The following NEGR1 variants were observed in gnomAD, a reference collection of about 807,000 sequenced individuals.
NEGR1 encodes the protein neuronal growth regulator 1.
NEGR1 carries 10 observed loss-of-function variants against 40.9 expected under a neutral mutation model. The observed-to-expected ratio is 0.24, with a 90% CI of 0.15 to 0.42. The LOEUF (loss-of-function observed/expected upper bound fraction) is 0.42, where lower values mean the gene tolerates loss of function less well. Ranked by LOEUF, NEGR1 falls within the 10% of genes least tolerant of loss-of-function variation. The probability of loss-of-function intolerance (pLI) is 1.00; values close to 1 mark genes in which losing one functional copy is unlikely to be tolerated. For missense variants in NEGR1, 352 were observed against 438.9 expected, an observed-to-expected ratio of 0.80 and a Z score of 1.77; for synonymous variants, 185 against 166.8, an observed-to-expected ratio of 1.11 and a Z score of -0.84.
intron 2 of NEGR1, among the ~76,000 whole-genome samples, chr1:71,878,117 G>A (rs944865119): frequency 4.6e-5 from 7 of 152,098 alleles, no homozygotes; most frequent in African/African-American, 1.7e-4. Context: ...TGAGTGGAGG[G>A]AAAATCTTTG....
chr1:71,872,992 C>A (rs1429097520), intron 2 of NEGR1, among the ~76,000 whole-genome samples: 1 of 151,764 alleles, frequency 6.6e-6, no homozygotes, highest in Non-Finnish European at 1.5e-5. Context: ...ATGTTTCACA[C>A]TCAAAAACAA....
chr1:71,699,698 G>A (rs1343260173), intron 3 of NEGR1, among the ~76,000 whole-genome samples: 1 of 151,744 alleles, frequency 6.6e-6, no homozygotes, highest in African/African-American at 2.4e-5. Flanking sequence ...AGATTTGGAG[G>A]GGTCAGGGGC....
intron 1 of NEGR1, among the ~76,000 whole-genome samples, chr1:72,098,136 G>A (rs1159902310): frequency 2.0e-5 from 3 of 152,060 alleles, no homozygotes; most frequent in African/African-American, 4.8e-5. Flanking sequence ...CTTTTAACAG[G>A]AAAAAGAACA....
At chr1:71,965,341 T>G (rs1275527932) in intron 1 of NEGR1, among the ~76,000 whole-genome samples, 1 of 152,198 alleles carries the variant, frequency 6.6e-6, no homozygotes, top group Non-Finnish European at 1.5e-5. Flanking sequence ...TACTAATAAC[T>G]TTAGCGAAGT....
At chr1:72,010,526 G>A (rs1471221642) in intron 1 of NEGR1, among the ~76,000 whole-genome samples, 1 of 151,924 alleles carries the variant, frequency 6.6e-6, no homozygotes, top group Non-Finnish European at 1.5e-5. Context: ...TGCCTTATGT[G>A]CAGTATACAA....
chr1:71,766,845 T>TCTCCACTCA (rs1656150646), intron 3 of NEGR1, among the ~76,000 whole-genome samples: 11 of 152,118 alleles, frequency 7.2e-5, no homozygotes, highest in Non-Finnish European at 1.5e-4. Flanking sequence ...TCATGACATC[T>TCTCCACTCA]TGTTGTTTAA....
intron 4 of NEGR1, among the ~76,000 whole-genome samples, chr1:71,671,300 G>A (rs1051934026): frequency 1.3e-5 from 2 of 152,094 alleles, no homozygotes; most frequent in East Asian, 1.9e-4. Flanking sequence ...CACTGGAGAA[G>A]ACCAAAGAGG....
At chr1:72,159,718 T>C (rs1464419070) in intron 1 of NEGR1, among the ~76,000 whole-genome samples, 1 of 152,166 alleles carries the variant, frequency 6.6e-6, no homozygotes. Context: ...GCTGCTGCGA[T>C]TATTTTCTAA....
At chr1:72,218,358 T>C (rs1376615500) in intron 1 of NEGR1, among the ~76,000 whole-genome samples, 1 of 151,930 alleles carries the variant, frequency 6.6e-6, no homozygotes, top group Admixed American at 6.6e-5. Context: ...CTACTTTTTA[T>C]TGAAGTCAAG....
chr1:71,589,300 A>G (rs1390963886), intron 6 of NEGR1, among the ~76,000 whole-genome samples: 1 of 152,140 alleles, frequency 6.6e-6, no homozygotes, highest in Non-Finnish European at 1.5e-5. Flanking sequence ...TTGCTTCTGC[A>G]GGATGCTTCT....
intron 2 of NEGR1, among the ~76,000 whole-genome samples, chr1:71,815,224 G>T (rs935019848): frequency 5.9e-5 from 9 of 152,062 alleles, no homozygotes; most frequent in Admixed American, 2.0e-4. Context: ...TTTTGAGTAA[G>T]TTTCTTAATC....
At chr1:71,499,506 A>G (rs1394602004) in intron 6 of NEGR1, among the ~76,000 whole-genome samples, 1 of 148,170 alleles carries the variant, frequency 6.7e-6, no homozygotes. Flanking sequence ...TGTATATGTT[A>G]TATATATTAT....
rs373700339 is a variant in NEGR1 at position 71,688,309 on chromosome 1, C to CATATATATATATATATAT, written c.667+9681_667+9698dup. On this transcript the variant is annotated intron_variant, in intron 4 of 6. Transcript: ENST00000357731. ...GGTGAACTGGAGGAGTTTCCCTTTTCATATATATATATATATATAGATAGA... is the reference window on the plus strand; with the variant it reads ...GGTGAACTGGAGGAGTTTCCCTTTTCATATATATATATATATATATATATATATATATATATAGATAGA... Among the ~76,000 whole-genome samples the CATATATATATATATATAT allele has an allele frequency of 4.1e-3, 171 of 41,298 alleles. 9 individuals carry two copies. Among genetic ancestry groups the CATATATATATATATATAT allele is most frequent in the Non-Finnish European group, 4.9e-3 (109 of 22,372 alleles). The allele number at this position is 41,298 out of a possible 152,430, so 27.1% of individuals were successfully genotyped here. A position where few individuals can be genotyped will look rare whatever the true frequency, so the allele number is the denominator to read the frequency against.
In NEGR1 at chr1:71,436,271, G is replaced by A. The variant is rs186071128; in HGVS notation, c.941-28701C>T. 2.0e-5 allele frequency among the ~76,000 whole-genome samples: 3 copies of A among 150,452 alleles called. No homozygotes were observed. In the East Asian group the frequency reaches 5.8e-4, roughly 29 times the overall value. ...GGGGTATGAAGGGTTTCAATACAAA[G>A]ATCTTGGAGAAATTTAAGAACTAAT... On this transcript the variant is annotated intron_variant, in intron 6 of 6. Coordinates refer to ENST00000357731, the MANE Select transcript of NEGR1 (RefSeq NM_173808.3).
At chr1:72,128,863 TA>T (rs1650132121) in intron 1 of NEGR1, among the ~76,000 whole-genome samples, 1 of 152,116 alleles carries the variant, frequency 6.6e-6, no homozygotes, top group Admixed American at 6.6e-5. Context: ...TATGAGTGGG[TA>T]TCATTCAAAA....
Position 71,439,376 on chromosome 1 carries a change from T to A in NEGR1, c.941-31806A>T, listed in dbSNP as rs868087765. Among the ~76,000 whole-genome samples, 7 of 152,158 alleles carry A rather than the reference T, an allele frequency of 4.6e-5. No homozygotes were observed. In the South Asian group the frequency reaches 1.4e-3, roughly 31 times the overall value. On this transcript the variant is annotated intron_variant, in intron 6 of 6. Coordinates refer to ENST00000357731, the MANE Select transcript of NEGR1 (RefSeq NM_173808.3). ...TAATGTTTTTGTTTGTTCGTTTTTG[T>A]TTTTGAGACAGGATCTGACTCTCTC...
At chr1:72,186,173 T>C (rs1370262677) in intron 1 of NEGR1, among the ~76,000 whole-genome samples, 1 of 151,772 alleles carries the variant, frequency 6.6e-6, no homozygotes, top group Non-Finnish European at 1.5e-5. Context: ...AAATATCATG[T>C]AACAAAGTTT....
intron 6 of NEGR1, among the ~76,000 whole-genome samples, chr1:71,436,637 C>T (rs1569869395): frequency 2.0e-5 from 3 of 152,228 alleles, no homozygotes; most frequent in Admixed American, 2.0e-4. Flanking sequence ...AGTGTGTCTA[C>T]CTCTCCTGCC....
At chr1:71,834,966 T>C (rs1042927225) in intron 2 of NEGR1, among the ~76,000 whole-genome samples, 1 of 149,296 alleles carries the variant, frequency 6.7e-6, no homozygotes, top group Non-Finnish European at 1.5e-5. Context: ...TACTCACTTT[T>C]GCTCACAAGT....
Sources: gnomAD v4.1 joint callset for allele counts (sites outside exome capture counted in the v4.1 genomes callset) on GRCh38, gnomAD v4.1.1 for gene constraint, MANE v1.5 for transcripts, NCBI Gene and HGNC (gene_info 2026-07-23, HGNC 2026-07-21) for gene names.